DNMBP: variants seen among roughly 807,000 people sequenced by gnomAD.
The protein encoded by DNMBP is dynamin-binding protein.
DNMBP carries 87 observed loss-of-function variants against 150.0 expected under a neutral mutation model. The observed-to-expected ratio is 0.58, with a 90% CI of 0.49 to 0.69. DNMBP has a LOEUF of 0.69. Ranked by LOEUF, DNMBP falls within the 30% of genes least tolerant of loss-of-function variation. The pLI is 0.00. For synonymous variants in DNMBP, 711 were observed against 750.4 expected (o/e 0.95, Z 0.86); for missense variants, 1,774 against 1,949.0 (o/e 0.91, Z 1.69).
intron 11 of DNMBP, chr10:99,889,291 C>T (rs1463438959): frequency 1.2e-5 from 2 of 171,338 alleles, no homozygotes; most frequent in African/African-American, 4.8e-5. Flanking sequence ...CGATAATGAC[C>T]AGTCACCTCT....
At chr10:99,966,292 T>C (rs569378719) in intron 3 of DNMBP, among the ~76,000 whole-genome samples, 6 of 152,206 alleles carry the variant, frequency 3.9e-5, no homozygotes, top group Non-Finnish European at 7.3e-5. Flanking sequence ...GTACATCTCA[T>C]TCTAGTCTCT....
intron 1 of DNMBP, among the ~76,000 whole-genome samples, chr10:100,001,572 C>T (rs1304356050): frequency 3.4e-5 from 5 of 148,634 alleles, no homozygotes; most frequent in East Asian, 3.9e-4. Context: ...CCACCATGCC[C>T]GGCTAGTTTT....
chr10:99,973,656 A>G (rs1162580302), intron 1 of DNMBP, among the ~76,000 whole-genome samples: 10 of 152,230 alleles, frequency 6.6e-5, no homozygotes, highest in Admixed American at 6.5e-4. Context: ...GAAGAACAGC[A>G]GCAGAACTAT....
chr10:99,912,887 AAG>A (rs2039917827), intron 4 of DNMBP, among the ~76,000 whole-genome samples: 1 of 152,164 alleles, frequency 6.6e-6, no homozygotes, highest in Non-Finnish European at 1.5e-5. Flanking sequence ...TTAACACTCA[AAG>A]AGAGTTTTCA....
At chr10:99,900,127 G>GT in intron 6 of DNMBP, 61 bp from the exon 7 acceptor site, 1 of 1,585,190 alleles carries the variant, frequency 6.3e-7, no homozygotes, top group Admixed American at 1.7e-5. Context: ...TATACTAAAT[G>GT]TAAGGTACAC....
At chr10:100,002,688 A>AT (rs1384504359) in intron 1 of DNMBP, among the ~76,000 whole-genome samples, 2 of 152,050 alleles carry the variant, frequency 1.3e-5, no homozygotes, top group African/African-American at 4.8e-5. Context: ...CACAAATTAT[A>AT]TATGTAGGGT....
At chr10:99,892,617 C>T (rs1350738404) in intron 11 of DNMBP, among the ~76,000 whole-genome samples, 7 of 135,782 alleles carry the variant, frequency 5.2e-5, no homozygotes, top group African/African-American at 1.7e-4. Flanking sequence ...GACACAAACA[C>T]TGCGGAAGGC....
chr10:99,912,357 A>G (rs2039910685), intron 4 of DNMBP, among the ~76,000 whole-genome samples: 1 of 152,174 alleles, frequency 6.6e-6, no homozygotes, highest in Non-Finnish European at 1.5e-5. Context: ...GTAGTTGAAA[A>G]CACAAAGTAC....
chr10:99,942,772 C>T (rs974210208), intron 4 of DNMBP, among the ~76,000 whole-genome samples: 4 of 152,154 alleles, frequency 2.6e-5, no homozygotes, highest in African/African-American at 7.2e-5. Context: ...ACTAGTTTCT[C>T]TCCTGACTTA....
chr10:99,953,813 CAAAAA>C (rs747545477), intron 4 of DNMBP, among the ~76,000 whole-genome samples: 3 of 50,498 alleles, frequency 5.9e-5, no homozygotes, highest in Admixed American at 5.4e-4. Context: ...GACTCTGTCT[CAAAAA>C]AAAAAAGAAA....
chr10:99,943,780 C>T (rs1184892487), intron 4 of DNMBP, among the ~76,000 whole-genome samples: 1 of 152,148 alleles, frequency 6.6e-6, no homozygotes, highest in Non-Finnish European at 1.5e-5. Context: ...AAAACAGTTA[C>T]ACTTTAAAAT....
At chr10:99,919,314 T>C (rs1247635750) in intron 4 of DNMBP, among the ~76,000 whole-genome samples, 1 of 152,208 alleles carries the variant, frequency 6.6e-6, no homozygotes, top group East Asian at 1.9e-4. Flanking sequence ...TGGTTCAAAA[T>C]TTGCTCAACT....
rs368254001 is a variant in DNMBP at position 99,903,634 on chromosome 10, C to T, written c.2555-3568G>A. ...GGCGTGGGCCACCGTGCCTGGCCTT[C>T]ACGGCCACTTTGGAATTCCTAAAGC... On this transcript the variant is annotated intron_variant, in intron 6 of 16. Transcript: ENST00000324109. Among the ~76,000 whole-genome samples, 29 of 152,090 alleles carry T rather than the reference C, an allele frequency of 1.9e-4. No individual in the cohort carries two copies. The South Asian group carries it at 6.0e-3, about 32-fold the overall frequency.
At chr10:99,921,281 C>T (rs890174076) in intron 4 of DNMBP, among the ~76,000 whole-genome samples, 8 of 152,238 alleles carry the variant, frequency 5.3e-5, no homozygotes, top group Admixed American at 3.3e-4. Flanking sequence ...CCCAGCTTCT[C>T]CATGACACTT....
At chr10:99,948,319 AG>A (rs1245673477) in intron 4 of DNMBP, among the ~76,000 whole-genome samples, 2 of 152,330 alleles carry the variant, frequency 1.3e-5, no homozygotes, top group Admixed American at 6.5e-5. Context: ...AGAATGTGTA[AG>A]TAAAAGTTTT....
At chr10:99,950,892 G>A (rs902363529) in intron 4 of DNMBP, among the ~76,000 whole-genome samples, 7 of 152,222 alleles carry the variant, frequency 4.6e-5, no homozygotes, top group Non-Finnish European at 7.3e-5. Flanking sequence ...AGAAATTTGC[G>A]TAAGTAATGA....
chr10:99,961,765 T>C (rs1392851968), intron 3 of DNMBP, among the ~76,000 whole-genome samples: 2 of 151,360 alleles, frequency 1.3e-5, no homozygotes, highest in African/African-American at 4.8e-5. Flanking sequence ...TGCTAATGGC[T>C]TCTTCCTCAG....
chr10:99,922,487 A>T lies in DNMBP; in HGVS notation c.2261-13341T>A, dbSNP rs1453773603. Among the ~76,000 whole-genome samples the T allele has an allele frequency of 8.8e-5, 13 of 147,994 alleles. No individual in the cohort carries two copies. In the Admixed American group the frequency reaches 8.9e-4, roughly 10 times the overall value. ...GTAATGGCTTGGGAAGAAAACACAT[A>T]ACCTAGCTGCTGCTGTTTTTTTTTT... On this transcript the variant is annotated intron_variant, in intron 4 of 16. Transcript: ENST00000324109.
At chr10:99,970,173 T>C (rs2040660029) in intron 2 of DNMBP, among the ~76,000 whole-genome samples, 1 of 152,188 alleles carries the variant, frequency 6.6e-6, no homozygotes, top group Non-Finnish European at 1.5e-5. Flanking sequence ...CTCCTTCTCA[T>C]CATTTTTGTC....
Sources: gnomAD v4.1 joint callset for allele counts (sites outside exome capture counted in the v4.1 genomes callset) on GRCh38, gnomAD v4.1.1 for gene constraint, MANE v1.5 for transcripts, NCBI Gene and HGNC (gene_info 2026-07-23, HGNC 2026-07-21) for gene names.